TBL1XR1: variants seen among roughly 807,000 people sequenced by gnomAD.
TBL1XR1 encodes TBL1X/Y related 1.
Under a neutral mutation model 66.9 loss-of-function variants are expected in TBL1XR1, and 5 were observed. The observed-to-expected ratio is 0.07, with a 90% confidence interval of 0.04 to 0.16. The LOEUF is 0.16. Ranked by LOEUF, TBL1XR1 falls within the 10% of genes least tolerant of loss-of-function variation. The pLI, the probability that TBL1XR1 is intolerant of heterozygous loss-of-function variation, is 1.00. For synonymous variants in TBL1XR1, 210 were observed against 206.0 expected (o/e 1.02, Z -0.17); for missense variants, 238 against 623.2 (o/e 0.38, Z 6.58).
chr3:177,179,857 G>C (rs966504473), intron 1 of TBL1XR1, among the ~76,000 whole-genome samples: 3 of 152,086 alleles, frequency 2.0e-5, no homozygotes, highest in East Asian at 3.9e-4. Context: ...AGGCAAATGA[G>C]GCTAGATAAA....
At chr3:177,160,126 G>T (rs1434921133) in intron 1 of TBL1XR1, among the ~76,000 whole-genome samples, 4 of 152,106 alleles carry the variant, frequency 2.6e-5, no homozygotes, top group African/African-American at 9.7e-5. Context: ...CAAATAACAA[G>T]TAAATTGAAG....
intron 1 of TBL1XR1, among the ~76,000 whole-genome samples, chr3:177,155,514 G>A (rs1176480322): frequency 6.6e-6 from 1 of 152,130 alleles, no homozygotes; most frequent in Non-Finnish European, 1.5e-5. Flanking sequence ...GAAACAAAAG[G>A]TGTATGAATT....
intron 2 of TBL1XR1, among the ~76,000 whole-genome samples, chr3:177,083,616 A>G (rs1721722341): frequency 6.6e-6 from 1 of 152,208 alleles, no homozygotes; most frequent in South Asian, 2.1e-4. Flanking sequence ...AAATTTTCAA[A>G]CATATAGAAA....
intron 1 of TBL1XR1, among the ~76,000 whole-genome samples, chr3:177,137,647 G>A (rs1346915864): frequency 6.6e-6 from 1 of 151,974 alleles, no homozygotes; most frequent in Non-Finnish European, 1.5e-5. Flanking sequence ...AAGGCCCCAC[G>A]CAAAATGAAG....
At chr3:177,139,925 G>T (rs570401308) in intron 1 of TBL1XR1, among the ~76,000 whole-genome samples, 49 of 152,250 alleles carry the variant, frequency 3.2e-4, no homozygotes, top group African/African-American at 1.1e-3. Flanking sequence ...ACAAAACCAG[G>T]ATCACCTTAA....
chr3:177,057,052 C>G (rs1336455893), intron 3 of TBL1XR1, among the ~76,000 whole-genome samples: 1 of 152,200 alleles, frequency 6.6e-6, no homozygotes, highest in Non-Finnish European at 1.5e-5. Context: ...AATTATGGCA[C>G]ACAGTTGTTT....
At chr3:177,151,931 G>C (rs1560233558) in intron 1 of TBL1XR1, among the ~76,000 whole-genome samples, 1 of 152,122 alleles carries the variant, frequency 6.6e-6, no homozygotes, top group Non-Finnish European at 1.5e-5. Flanking sequence ...GGCTGAGGCA[G>C]GAGAATCACT....
chr3:177,075,850 T>G (rs1720633435), intron 2 of TBL1XR1, among the ~76,000 whole-genome samples: 1 of 152,000 alleles, frequency 6.6e-6, no homozygotes, highest in Admixed American at 6.6e-5. Flanking sequence ...CTTATAGAAG[T>G]CCAAAATCAA....
At chr3:177,143,358 C>T (rs889329281) in intron 1 of TBL1XR1, among the ~76,000 whole-genome samples, 6 of 148,956 alleles carry the variant, frequency 4.0e-5, no homozygotes, top group African/African-American at 1.5e-4. Flanking sequence ...CAGTGAATGA[C>T]AAAAATCAAC....
At chr3:177,169,183 G>A (rs917601353) in intron 1 of TBL1XR1, among the ~76,000 whole-genome samples, 1 of 152,090 alleles carries the variant, frequency 6.6e-6, no homozygotes, top group Non-Finnish European at 1.5e-5. Flanking sequence ...ACTTCGATAT[G>A]TTCCAACATT....
chr3:177,161,437 AT>A (rs1404731982), intron 1 of TBL1XR1, among the ~76,000 whole-genome samples: 1 of 152,184 alleles, frequency 6.6e-6, no homozygotes, highest in African/African-American at 2.4e-5. Context: ...AGTGACTCAA[AT>A]GCAAGTAAAA....
intron 2 of TBL1XR1, among the ~76,000 whole-genome samples, chr3:177,086,148 T>C (rs533095568): frequency 1.1e-4 from 17 of 151,226 alleles, no homozygotes; most frequent in African/African-American, 3.4e-4. Context: ...AATTATCTAG[T>C]AGCCACATGA....
intron 1 of TBL1XR1, among the ~76,000 whole-genome samples, chr3:177,178,196 C>G (rs756245696): frequency 2.6e-5 from 4 of 152,184 alleles, no homozygotes; most frequent in Admixed American, 6.5e-5. Context: ...GGGGCCAGAT[C>G]GCACAGCAGA....
rs200642827 is a variant in TBL1XR1 at position 177,034,082 on chromosome 3, G to GAA, written c.1250+114_1250+115dup. On this transcript the variant is annotated intron_variant, in intron 13 of 15. Transcript: ENST00000457928. ...TATACACCAAAAACTACTGAAATTG[G>GAA]AAAAAAAAAAAAAAAAGTTTCCACT... is the stretch of plus-strand genomic sequence containing the variant. The GAA allele has an allele frequency of 5.3e-3, 4,915 of 919,154 alleles. 12 individuals are homozygous for GAA. The highest frequency in any genetic ancestry group is 0.019 in the African/African-American group (960 of 50,030). 56.9% of individuals were successfully genotyped at this position (919,154 alleles called of 1,614,324 possible). A position where few individuals can be genotyped will look rare whatever the true frequency, so the allele number is the denominator to read the frequency against.
At chr3:177,031,556 C>T (rs918000346) in intron 14 of TBL1XR1, among the ~76,000 whole-genome samples, 15 of 150,582 alleles carry the variant, frequency 1.0e-4, no homozygotes, top group Non-Finnish European at 1.8e-4. Flanking sequence ...GTCTTGAACT[C>T]CTGACCTCAA....
intron 10 of TBL1XR1, among the ~76,000 whole-genome samples, chr3:177,043,143 C>T (rs1442323985): frequency 6.6e-6 from 1 of 152,074 alleles, no homozygotes; most frequent in Non-Finnish European, 1.5e-5. Context: ...TAATTTAATT[C>T]CATTGTTGCT....
At chr3:177,160,203 T>TGG (rs1732014247) in intron 1 of TBL1XR1, among the ~76,000 whole-genome samples, 1 of 152,152 alleles carries the variant, frequency 6.6e-6, no homozygotes, top group Admixed American at 6.6e-5. Context: ...TAGGGCGCAG[T>TGG]GGCTCAGTCC....
chr3:177,143,324 A>T (rs1041739676), intron 1 of TBL1XR1, among the ~76,000 whole-genome samples: 4 of 152,080 alleles, frequency 2.6e-5, no homozygotes, highest in African/African-American at 9.7e-5. Flanking sequence ...TCAGTGTTCA[A>T]GGCAACTATA....
intron 1 of TBL1XR1, among the ~76,000 whole-genome samples, chr3:177,136,669 A>T (rs1729033722): frequency 6.6e-6 from 1 of 152,236 alleles, no homozygotes; most frequent in South Asian, 2.1e-4. Context: ...AAAAATAGAT[A>T]AACAGGGTTT....
Sources: allele counts gnomAD v4.1 joint callset (sites outside exome capture counted in the v4.1 genomes callset), GRCh38; gene constraint gnomAD v4.1.1; transcripts MANE v1.5; gene names NCBI Gene and HGNC (gene_info 2026-07-23, HGNC 2026-07-21).